ZNF385D: variants seen among roughly 807,000 people sequenced by gnomAD.
ZNF385D encodes the protein zinc finger protein 385D.
In ZNF385D, 15 loss-of-function variants were observed where a neutral mutation model predicts 35.8. The ratio of observed to expected loss-of-function variants is 0.42; its 90% CI spans 0.28 to 0.64. ZNF385D has a LOEUF of 0.64. Among genes scored for constraint, ZNF385D ranks in the 30% least tolerant of loss-of-function variants. ZNF385D has a pLI of 0.23. For synonymous variants in ZNF385D, 212 were observed against 186.8 expected (o/e 1.13, Z -1.10); for missense variants, 474 against 494.6 (o/e 0.96, Z 0.39).
chr3:22,276,880 A>G (rs1480557522), intron 2 of ZNF385D, among the ~76,000 whole-genome samples: 2 of 152,160 alleles, frequency 1.3e-5, no homozygotes, highest in Non-Finnish European at 1.5e-5. Context: ...TAAAATTTTT[A>G]TATCTGAAAA....
intron 3 of ZNF385D, among the ~76,000 whole-genome samples, chr3:22,016,165 C>A (rs1180279476): frequency 1.3e-5 from 2 of 152,076 alleles, no homozygotes; most frequent in Admixed American, 6.6e-5. Context: ...AGTTTCCCAA[C>A]CAGCAGTGAT....
intron 3 of ZNF385D, among the ~76,000 whole-genome samples, chr3:22,163,675 T>G (rs1706118624): frequency 6.6e-6 from 1 of 152,212 alleles, no homozygotes; most frequent in African/African-American, 2.4e-5. Context: ...ATTATTTTAT[T>G]TGCATCCTGA....
At chr3:21,561,548 C>T (rs962997413) in intron 3 of ZNF385D, among the ~76,000 whole-genome samples, 5 of 152,138 alleles carry the variant, frequency 3.3e-5, no homozygotes, top group Admixed American at 2.0e-4. Context: ...CTGCCTTCTG[C>T]GTTGATCTCA....
At chr3:22,267,490 G>A (rs1243804670) in intron 2 of ZNF385D, among the ~76,000 whole-genome samples, 1 of 151,638 alleles carries the variant, frequency 6.6e-6, no homozygotes, top group African/African-American at 2.4e-5. Flanking sequence ...AACAGTTTGG[G>A]TATTCTGCTT....
chr3:21,871,710 T>C (rs1697699196), intron 3 of ZNF385D, among the ~76,000 whole-genome samples: 1 of 152,088 alleles, frequency 6.6e-6, no homozygotes. Context: ...GGAACAGTTT[T>C]AAAAATTACT....
intron 4 of ZNF385D, among the ~76,000 whole-genome samples, chr3:21,463,949 T>C (rs567711671): frequency 1.4e-4 from 22 of 152,136 alleles, no homozygotes; most frequent in Non-Finnish European, 2.5e-4. Flanking sequence ...ATTTTCTTAT[T>C]TATAGGAGGC....
At chr3:22,152,951 T>C (rs993073862) in intron 3 of ZNF385D, among the ~76,000 whole-genome samples, 1 of 152,170 alleles carries the variant, frequency 6.6e-6, no homozygotes, top group Non-Finnish European at 1.5e-5. Flanking sequence ...CAATTGTGTG[T>C]ACCTCTTATC....
chr3:21,997,856 GGCGCGCGC>G lies in ZNF385D; in HGVS notation c.325+170953_325+170960del, dbSNP rs59960063. Among the ~76,000 whole-genome samples, 1,031 of 142,998 alleles carry G rather than the reference GGCGCGCGC, an allele frequency of 7.2e-3. 6 individuals carry two copies. Among genetic ancestry groups the G allele is most frequent in the East Asian group, 0.013 (62 of 4,874 alleles). 93.8% of individuals were successfully genotyped at this position (142,998 alleles called of 152,430 possible). A position where few individuals can be genotyped will look rare whatever the true frequency, so the allele number is the denominator to read the frequency against. Reference sequence around the variant, plus strand: ...GGGTTTTTTGTTGATGTTGCTATTTGGCGCGCGCGCGCGCGCGTGTGTGTGTGTGTGTG... The same window carrying G: ...GGGTTTTTTGTTGATGTTGCTATTTGGCGCGCGCGTGTGTGTGTGTGTGTG... On this transcript the variant is annotated intron_variant, in intron 3 of 5. Transcript: ENST00000494108.
At chr3:21,999,079 T>A (rs551025223) in intron 3 of ZNF385D, among the ~76,000 whole-genome samples, 1 of 152,214 alleles carries the variant, frequency 6.6e-6, no homozygotes, top group Non-Finnish European at 1.5e-5. Context: ...CCAGACGTAC[T>A]CATTCCATAT....
chr3:22,113,311 C>T lies in ZNF385D; in HGVS notation c.325+55506G>A, dbSNP rs375546568. Among the ~76,000 whole-genome samples, 38 of 152,086 alleles carry T rather than the reference C, an allele frequency of 2.5e-4. 1 individual carries two copies. In the East Asian group the frequency reaches 7.2e-3, roughly 29 times the overall value. On this transcript the variant is annotated intron_variant, in intron 3 of 5. Transcript: ENST00000494108. ...AAGATAATAGGTAATGCTGAAACAC[C>T]AAGGAAAGCAGGCTTTAGGAAAGGT...
chr3:21,730,934 A>G (rs1253933527), intron 1 of ZNF385D, among the ~76,000 whole-genome samples: 2 of 152,240 alleles, frequency 1.3e-5, no homozygotes, highest in East Asian at 3.9e-4. Context: ...TTTCCTACTG[A>G]GGCTCACTTT....
At chr3:21,559,984 C>T (rs192871458) in intron 3 of ZNF385D, among the ~76,000 whole-genome samples, 19 of 152,254 alleles carry the variant, frequency 1.2e-4, no homozygotes, top group Admixed American at 2.0e-4. Flanking sequence ...ACGAAGTTCT[C>T]GTGCTGTATT....
At chr3:21,740,669 C>T (rs981710085) in intron 1 of ZNF385D, among the ~76,000 whole-genome samples, 10 of 152,100 alleles carry the variant, frequency 6.6e-5, no homozygotes, top group South Asian at 2.1e-4. Context: ...GACAATGTGT[C>T]GTGGGGAAAG....
chr3:21,462,810 C>T lies in ZNF385D; in HGVS notation c.440-25607G>A, dbSNP rs572461087. On this transcript the variant is annotated intron_variant, in intron 4 of 7. Coordinates refer to ENST00000281523, the MANE Select transcript of ZNF385D (RefSeq NM_024697.3). Reference sequence around the variant, plus strand: ...CAGCCTGGCCAACATGGTGAAACCCCGTCTCTACTAAATATATAAAAATTA... The same window carrying T: ...CAGCCTGGCCAACATGGTGAAACCCTGTCTCTACTAAATATATAAAAATTA... Among the ~76,000 whole-genome samples, 10 of 152,090 alleles carry T rather than the reference C, an allele frequency of 6.6e-5. No homozygotes were observed. In the East Asian group the frequency reaches 9.7e-4, roughly 15 times the overall value.
intron 3 of ZNF385D, among the ~76,000 whole-genome samples, chr3:22,110,509 A>T (rs573565546): frequency 1.3e-5 from 2 of 152,186 alleles, no homozygotes; most frequent in Admixed American, 1.3e-4. Flanking sequence ...GAAGCTGGAA[A>T]CCATCATTCT....
At chr3:21,627,246 G>GGTGTGTGTGTGTGTGT (rs55918045) in intron 2 of ZNF385D, among the ~76,000 whole-genome samples, 14 of 139,498 alleles carry the variant, frequency 1.0e-4, no homozygotes, top group South Asian at 7.2e-4. Context: ...AGAGGTGTAG[G>GGTGTGTGTGTGTGTGT]GTGTGTGTGT....
At chr3:22,046,876 CAA>C (rs980960195) in intron 3 of ZNF385D, among the ~76,000 whole-genome samples, 3 of 151,890 alleles carry the variant, frequency 2.0e-5, no homozygotes, top group African/African-American at 4.8e-5. Flanking sequence ...AACTGTGAAA[CAA>C]AGGAAAATAT....
At chr3:21,424,829 G>A (rs1700940196) in intron 6 of ZNF385D, among the ~76,000 whole-genome samples, 1 of 151,650 alleles carries the variant, frequency 6.6e-6, no homozygotes, top group East Asian at 2.0e-4. Context: ...ACAGTCAAAT[G>A]TCAAACCCTT....
At chr3:21,562,295 T>C (rs1461504548) in intron 3 of ZNF385D, among the ~76,000 whole-genome samples, 1 of 152,110 alleles carries the variant, frequency 6.6e-6, no homozygotes, top group African/African-American at 2.4e-5. Context: ...AAAAATTATA[T>C]ATAAAAATAT....
Sources: allele counts gnomAD v4.1 joint callset (sites outside exome capture counted in the v4.1 genomes callset), GRCh38; gene constraint gnomAD v4.1.1; transcripts MANE v1.5; gene names NCBI Gene and HGNC (gene_info 2026-07-23, HGNC 2026-07-21).